The following GALNTL6 variants were observed in gnomAD, a reference collection of about 807,000 sequenced individuals.
GALNTL6 encodes polypeptide N-acetylgalactosaminyltransferase-like 6.
A neutral mutation model predicts 73.7 loss-of-function variants in GALNTL6; 46 were observed. The observed-to-expected ratio is 0.62, with a 90% CI of 0.49 to 0.80. GALNTL6 has a LOEUF of 0.80. Ranked by LOEUF, GALNTL6 falls within the 30% of genes least tolerant of loss-of-function variation. The pLI, the probability that GALNTL6 is intolerant of heterozygous loss-of-function variation, is 0.00. For missense variants in GALNTL6, 604 were observed against 755.0 expected (o/e 0.80, Z 2.34); for synonymous variants, 259 against 263.7 (o/e 0.98, Z 0.17).
At chr4:173,026,720 T>C (rs1460634376) in intron 12 of GALNTL6, among the ~76,000 whole-genome samples, 1 of 152,250 alleles carries the variant, frequency 6.6e-6, no homozygotes, top group Non-Finnish European at 1.5e-5. Context: ...TCTGGCTTTT[T>C]CACACAGATT....
At chr4:172,561,338 G>A (rs1366560434) in intron 5 of GALNTL6, among the ~76,000 whole-genome samples, 4 of 150,694 alleles carry the variant, frequency 2.7e-5, no homozygotes, top group East Asian at 3.9e-4. Context: ...TCTGAACCTC[G>A]GCAACCTGCT....
intron 5 of GALNTL6, among the ~76,000 whole-genome samples, chr4:172,554,595 A>G (rs1372401269): frequency 6.6e-6 from 1 of 152,180 alleles, no homozygotes; most frequent in Admixed American, 6.5e-5. Context: ...CCCCACTAGA[A>G]AGAGTTACTT....
chr4:172,721,879 T>C lies in GALNTL6; in HGVS notation c.554-87482T>C, dbSNP rs142459447. The stretch of plus-strand genomic sequence containing the variant: ...TAGAGTGGTAGGGATAATGAACTTG[T>C]GTTAAGCATTTTTCCAAGACTCCAC... On this transcript the variant is annotated intron_variant, in intron 5 of 12. Transcript: ENST00000506823. 8.1e-3 allele frequency among the ~76,000 whole-genome samples: 1,238 copies of C among 152,244 alleles called. 4 individuals carry two copies. Among genetic ancestry groups the C allele is most frequent in the Non-Finnish European group, 0.013 (887 of 68,002 alleles).
At chr4:172,778,242 C>A (rs1739177830) in intron 5 of GALNTL6, among the ~76,000 whole-genome samples, 1 of 152,220 alleles carries the variant, frequency 6.6e-6, no homozygotes, top group South Asian at 2.1e-4. Flanking sequence ...ACAGTTTTAA[C>A]AAACTGCCAA....
intron 5 of GALNTL6, among the ~76,000 whole-genome samples, chr4:172,426,809 G>A (rs909459227): frequency 6.6e-6 from 1 of 152,040 alleles, no homozygotes; most frequent in African/African-American, 2.4e-5. Flanking sequence ...AGAGAAAATA[G>A]CATGGGCAAC....
intron 5 of GALNTL6, among the ~76,000 whole-genome samples, chr4:172,641,510 CT>C (rs1255304399): frequency 6.6e-6 from 1 of 152,036 alleles, no homozygotes; most frequent in African/African-American, 2.4e-5. Flanking sequence ...TTTGTTCTGG[CT>C]ACTACTCGAT....
intron 9 of GALNTL6, among the ~76,000 whole-genome samples, chr4:172,947,272 G>A (rs945808889): frequency 6.6e-6 from 1 of 152,034 alleles, no homozygotes; most frequent in African/African-American, 2.4e-5. Flanking sequence ...GTCTCTGCAG[G>A]ACAGAAGGTA....
At chr4:172,038,673 A>G (rs1742003923) in intron 2 of GALNTL6, among the ~76,000 whole-genome samples, 1 of 152,184 alleles carries the variant, frequency 6.6e-6, no homozygotes, top group African/African-American at 2.4e-5. Context: ...GTCACCGGTC[A>G]TTTGTTATTC....
At chr4:172,990,865 A>G (rs1463811377) in intron 10 of GALNTL6, among the ~76,000 whole-genome samples, 7 of 152,246 alleles carry the variant, frequency 4.6e-5, no homozygotes, top group Admixed American at 4.6e-4. Context: ...GCACAAATTT[A>G]TAACACATTT....
chr4:172,896,188 G>A (rs149020544), intron 8 of GALNTL6, among the ~76,000 whole-genome samples: 166 of 152,230 alleles, frequency 1.1e-3, no homozygotes, highest in Middle Eastern at 3.4e-3. Flanking sequence ...TGTGGATATG[G>A]AACAATGTCT....
At chr4:172,582,589 T>G (rs1481284012) in intron 5 of GALNTL6, among the ~76,000 whole-genome samples, 1 of 152,188 alleles carries the variant, frequency 6.6e-6, no homozygotes, top group African/African-American at 2.4e-5. Flanking sequence ...ATATGTATAA[T>G]GCACTAAAAA....
intron 7 of GALNTL6, among the ~76,000 whole-genome samples, chr4:172,849,265 A>G (rs1743683275): frequency 6.6e-6 from 1 of 152,222 alleles, no homozygotes; most frequent in Non-Finnish European, 1.5e-5. Context: ...TATCTGAAGA[A>G]GGGCTCACAT....
At chr4:172,459,983 A>G (rs1732553379) in intron 5 of GALNTL6, among the ~76,000 whole-genome samples, 1 of 152,236 alleles carries the variant, frequency 6.6e-6, no homozygotes, top group African/African-American at 2.4e-5. Context: ...GTCTATAGTA[A>G]CAAAAACAGC....
chr4:171,951,212 AAG>A (rs1738867298), intron 2 of GALNTL6, among the ~76,000 whole-genome samples: 1 of 152,076 alleles, frequency 6.6e-6, no homozygotes, highest in Non-Finnish European at 1.5e-5. Flanking sequence ...TAACAGAAGA[AAG>A]AATTATTTTC....
At chr4:172,466,465 AG>A (rs1484789405) in intron 5 of GALNTL6, among the ~76,000 whole-genome samples, 119 of 152,342 alleles carry the variant, frequency 7.8e-4, no homozygotes, top group African/African-American at 2.7e-3. Flanking sequence ...ATTTGCAGCT[AG>A]GCTGGAGTTG....
rs73872050 is a variant in GALNTL6, at chr4:172,402,208, A to G, written c.553+53519A>G. 7.0e-3 allele frequency among the ~76,000 whole-genome samples: 1,072 copies of G among 152,194 alleles called. 14 individuals carry two copies. Among genetic ancestry groups the G allele is most frequent in the African/African-American group, 0.024 (989 of 41,564 alleles). ...ATTTGGGAGCTTTAGGCTTTGTTCT[A>G]TGCTGTGTGCCTGGCTTAGTGCAAT... On this transcript the variant is annotated intron_variant, in intron 5 of 12. Transcript: ENST00000506823.
chr4:172,357,650 C>T (rs1392393647), intron 5 of GALNTL6, among the ~76,000 whole-genome samples: 2 of 34,118 alleles, frequency 5.9e-5, no homozygotes, highest in Non-Finnish European at 7.1e-5. Context: ...CACACACACA[C>T]ACACACACAC....
At chr4:173,008,656 G>GCCTAACTTCATTTCCT (rs1317488382) in intron 10 of GALNTL6, among the ~76,000 whole-genome samples, 2 of 152,202 alleles carry the variant, frequency 1.3e-5, no homozygotes, top group Admixed American at 1.3e-4. Context: ...CTGAAGTTAG[G>GCCTAACTTCATTTCCT]AAATCATTGA....
chr4:173,018,100 G>A (rs897536158), intron 11 of GALNTL6, among the ~76,000 whole-genome samples: 4 of 152,190 alleles, frequency 2.6e-5, no homozygotes, highest in African/African-American at 9.7e-5. Flanking sequence ...GACAGAGAGG[G>A]AAATAAATCA....
Sources: allele counts gnomAD v4.1 joint callset (sites outside exome capture counted in the v4.1 genomes callset), GRCh38; gene constraint gnomAD v4.1.1; transcripts MANE v1.5; gene names NCBI Gene and HGNC (gene_info 2026-07-23, HGNC 2026-07-21).